Variants in DPP10 observed in about 807,000 individuals in gnomAD.
DPP10 encodes the protein dipeptidyl peptidase like 10, also known as inactive dipeptidyl peptidase 10.
In DPP10, 33 loss-of-function variants were observed where a neutral mutation model predicts 120.9. That is an observed-to-expected ratio of 0.27 (90% CI 0.21 to 0.37). The LOEUF is 0.37. DPP10 is among the 10% of genes least tolerant of loss of function. The probability of loss-of-function intolerance (pLI) is 1.00; values close to 1 mark genes in which losing one functional copy is unlikely to be tolerated. For synonymous variants in DPP10, 337 were observed against 326.1 expected (o/e 1.03, Z -0.36); for missense variants, 816 against 942.8 (o/e 0.87, Z 1.76).
intron 3 of DPP10, chr2:115,468,972 T>C (rs1336753955): frequency 1.9e-5 from 4 of 214,510 alleles, no homozygotes; most frequent in African/African-American, 5.1e-5. Context: ...TTTTTTTTTT[T>C]CCTCCTGAGA....
At chr2:114,857,179 C>T (rs939097799) in intron 1 of DPP10, among the ~76,000 whole-genome samples, 3 of 152,110 alleles carry the variant, frequency 2.0e-5, no homozygotes, top group African/African-American at 7.2e-5. Context: ...AATTTAGTTT[C>T]TAGTGCATCC....
chr2:114,746,022 G>A (rs1166856240), intron 1 of DPP10, among the ~76,000 whole-genome samples: 1 of 152,204 alleles, frequency 6.6e-6, no homozygotes, highest in Non-Finnish European at 1.5e-5. Context: ...CCCTAACAAT[G>A]TGCCTTGCTG....
chr2:115,171,978 C>T (rs2053378719), intron 1 of DPP10, among the ~76,000 whole-genome samples: 1 of 152,138 alleles, frequency 6.6e-6, no homozygotes, highest in South Asian at 2.1e-4. Flanking sequence ...ATGGCAGTGC[C>T]ACCACTACAC....
chr2:115,483,605 T>TA (rs2075581939), intron 3 of DPP10, among the ~76,000 whole-genome samples: 2 of 152,070 alleles, frequency 1.3e-5, no homozygotes, highest in Non-Finnish European at 2.9e-5. Flanking sequence ...AAAATTTGGT[T>TA]AATCGTGATG....
intron 1 of DPP10, among the ~76,000 whole-genome samples, chr2:115,115,173 C>T (rs947168654): frequency 7.2e-5 from 11 of 152,086 alleles, no homozygotes; most frequent in Admixed American, 7.2e-4. Context: ...GTTTCTTCAT[C>T]ATTTTGCCAA....
At chr2:115,474,206 T>C (rs2074922097) in intron 3 of DPP10, among the ~76,000 whole-genome samples, 1 of 152,144 alleles carries the variant, frequency 6.6e-6, no homozygotes, top group African/African-American at 2.4e-5. Context: ...TAAATTGCAA[T>C]AGGACACCAA....
intron 5 of DPP10, among the ~76,000 whole-genome samples, chr2:115,590,062 A>C (rs2082537414): frequency 6.7e-6 from 1 of 150,344 alleles, no homozygotes; most frequent in South Asian, 2.1e-4. Flanking sequence ...TTGGTTAGCC[A>C]AAGGAGCAGC....
chr2:115,479,403 T>A (rs1201525533), intron 3 of DPP10, among the ~76,000 whole-genome samples: 1 of 152,078 alleles, frequency 6.6e-6, no homozygotes, highest in East Asian at 1.9e-4. Flanking sequence ...TTCCAAGAAG[T>A]GCAGTAAGGA....
At chr2:114,942,714 C>T (rs533362297) in intron 1 of DPP10, among the ~76,000 whole-genome samples, 56 of 151,978 alleles carry the variant, frequency 3.7e-4, no homozygotes, top group Non-Finnish European at 6.6e-4. Flanking sequence ...TTGCCTTTTA[C>T]TATAAATATA....
At chr2:114,739,287 G>GC (rs1241666551) in intron 1 of DPP10, among the ~76,000 whole-genome samples, 1 of 152,060 alleles carries the variant, frequency 6.6e-6, no homozygotes, top group Admixed American at 6.5e-5. Context: ...TAGGAACAAG[G>GC]CAAGCCATCA....
chr2:114,885,725 A>T (rs1385121455), intron 1 of DPP10, among the ~76,000 whole-genome samples: 2 of 152,326 alleles, frequency 1.3e-5, no homozygotes, highest in Non-Finnish European at 2.9e-5. Flanking sequence ...TGGAGGAGGT[A>T]TAAAAATATG....
intron 17 of DPP10, among the ~76,000 whole-genome samples, chr2:115,783,236 G>C (rs1490650345): frequency 6.6e-6 from 1 of 152,074 alleles, no homozygotes; most frequent in Admixed American, 6.6e-5. Flanking sequence ...TTACAGGTGA[G>C]AAAAATTAGT....
At chr2:114,606,931 C>T (rs1174542507) in intron 1 of DPP10, among the ~76,000 whole-genome samples, 1 of 152,196 alleles carries the variant, frequency 6.6e-6, no homozygotes, top group Non-Finnish European at 1.5e-5. Flanking sequence ...CATGACTTCT[C>T]TATTTCCCCG....
At position 114,537,799 on chromosome 2, in the gene DPP10, C is replaced by T. The variant is rs1946543; in HGVS notation, c.60+94961C>T. ...GAATCACAGAGCTAGCTAGTGGCAG[C>T]TTTGGAGCCAGAGCCCAGTTTTTTC... On this transcript the variant is annotated intron_variant, in intron 1 of 25. Transcript: ENST00000410059. Among the ~76,000 whole-genome samples the T allele has an allele frequency of 8.5e-5, 13 of 152,306 alleles. No homozygotes were observed. In the South Asian group the frequency reaches 2.5e-3, roughly 29 times the overall value.
intron 1 of DPP10, among the ~76,000 whole-genome samples, chr2:115,192,855 T>G (rs190165241): frequency 6.6e-6 from 1 of 151,650 alleles, no homozygotes; most frequent in East Asian, 1.9e-4. Context: ...TGTGCTTTGA[T>G]TTTAATAAAA....
intron 7 of DPP10, among the ~76,000 whole-genome samples, chr2:115,720,779 T>C (rs1480918955): frequency 2.6e-5 from 4 of 152,206 alleles, no homozygotes; most frequent in Non-Finnish European, 5.9e-5. Context: ...AGATGTGTTC[T>C]TAAAGACATT....
At chr2:115,690,152 T>A (rs1338446192) in intron 7 of DPP10, among the ~76,000 whole-genome samples, 1 of 152,208 alleles carries the variant, frequency 6.6e-6, no homozygotes, top group Non-Finnish European at 1.5e-5. Flanking sequence ...ATGATTAAAC[T>A]GCTGGTTTAT....
chr2:115,749,169 C>T (rs1185100491), intron 10 of DPP10, among the ~76,000 whole-genome samples: 1 of 152,034 alleles, frequency 6.6e-6, no homozygotes, highest in Non-Finnish European at 1.5e-5. Context: ...TCACACAATA[C>T]CTTTATTAGA....
intron 3 of DPP10, among the ~76,000 whole-genome samples, chr2:115,426,694 C>G: frequency 6.6e-6 from 1 of 152,096 alleles, no homozygotes; most frequent in Middle Eastern, 3.4e-3. Context: ...ACTTCCAACA[C>G]GAGATGACAT....
Sources: gnomAD v4.1 joint callset for allele counts (sites outside exome capture counted in the v4.1 genomes callset) on GRCh38, gnomAD v4.1.1 for gene constraint, MANE v1.5 for transcripts, NCBI Gene and HGNC (gene_info 2026-07-23, HGNC 2026-07-21) for gene names.